KAT6A: variants seen among roughly 807,000 people sequenced by gnomAD.
KAT6A encodes histone acetyltransferase KAT6A.
Under a neutral mutation model 198.4 loss-of-function variants are expected in KAT6A, and 9 were observed. The observed-to-expected ratio is 0.05, with a 90% CI of 0.03 to 0.08. The LOEUF (loss-of-function observed/expected upper bound fraction) is 0.08, where lower values mean the gene tolerates loss of function less well. KAT6A is among the 10% of genes least tolerant of loss of function. The pLI, the probability that KAT6A is intolerant of heterozygous loss-of-function variation, is 1.00. For synonymous variants in KAT6A, 890 were observed against 883.0 expected, an observed-to-expected ratio of 1.01 and a Z score of -0.14; for missense variants, 2,077 against 2,509.9, an observed-to-expected ratio of 0.83 and a Z score of 3.69.
chr8:42,024,758 A>T (rs1484614924), intron 2 of KAT6A, among the ~76,000 whole-genome samples: 1 of 152,104 alleles, frequency 6.6e-6, no homozygotes, highest in Non-Finnish European at 1.5e-5. Flanking sequence ...CAAATGATAG[A>T]GTTTCATTCT....
chr8:41,954,719 T>C (rs1248611637), intron 9 of KAT6A, among the ~76,000 whole-genome samples: 2 of 152,156 alleles, frequency 1.3e-5, no homozygotes, highest in African/African-American at 4.8e-5. Flanking sequence ...CACAGAGCAG[T>C]TGGGCAGCTT....
intron 3 of KAT6A, among the ~76,000 whole-genome samples, chr8:41,982,315 A>G (rs1439232245): frequency 6.6e-6 from 1 of 152,278 alleles, no homozygotes; most frequent in East Asian, 1.9e-4. Context: ...TATATGCATT[A>G]CTGAATATAC....
chr8:41,982,875 A>G (rs753213964), intron 3 of KAT6A, among the ~76,000 whole-genome samples: 1 of 152,340 alleles, frequency 6.6e-6, no homozygotes, highest in South Asian at 2.1e-4. Context: ...ATGTATGCAC[A>G]TGCACAGGGA....
chr8:41,970,371 G>A (rs866233817), intron 8 of KAT6A, among the ~76,000 whole-genome samples: 5 of 152,094 alleles, frequency 3.3e-5, no homozygotes, highest in East Asian at 1.9e-4. Flanking sequence ...GGATTAGCCC[G>A]ATTACTGTCA....
At chr8:42,043,190 A>G (rs1660229638) in intron 2 of KAT6A, among the ~76,000 whole-genome samples, 1 of 152,206 alleles carries the variant, frequency 6.6e-6, no homozygotes, top group Admixed American at 6.5e-5. Context: ...CAGGCATTCA[A>G]ATGTTTGCTA....
intron 2 of KAT6A, among the ~76,000 whole-genome samples, chr8:42,013,457 T>C (rs377215486): frequency 6.6e-6 from 1 of 152,070 alleles, no homozygotes; most frequent in African/African-American, 2.4e-5. Context: ...ATGGTCTCCA[T>C]CTCTTGACCT....
At chr8:42,047,414 C>CT (rs1802368137) in intron 2 of KAT6A, among the ~76,000 whole-genome samples, 1 of 152,102 alleles carries the variant, frequency 6.6e-6, no homozygotes, top group African/African-American at 2.4e-5. Context: ...CTCTCCAGAA[C>CT]TTTACCTTTC....
intron 2 of KAT6A, among the ~76,000 whole-genome samples, chr8:41,997,691 T>C (rs973152435): frequency 2.0e-5 from 3 of 152,130 alleles, no homozygotes; most frequent in African/African-American, 7.2e-5. Flanking sequence ...TCTATCCCTC[T>C]ACAACTACAA....
chr8:41,967,183 T>C (rs1823535761), intron 8 of KAT6A, among the ~76,000 whole-genome samples: 1 of 152,090 alleles, frequency 6.6e-6, no homozygotes, highest in Non-Finnish European at 1.5e-5. Flanking sequence ...TGATATTTTA[T>C]GTAAAAATCA....
rs182050132 is a variant in KAT6A, at chr8:41,967,068, C to G, written c.1482+7636G>C. On this transcript the variant is annotated intron_variant, in intron 8 of 16. Transcript: ENST00000265713. The stretch of plus-strand genomic sequence containing the variant: ...CGCAAAGAAATTTTAATAACCCGCA[C>G]AGATTTCAAAAATGCTCTGTAACTT... 5.9e-5 allele frequency among the ~76,000 whole-genome samples: 9 copies of G among 152,162 alleles called. No homozygotes were observed. In the East Asian group the frequency reaches 1.7e-3, roughly 29 times the overall value.
intron 2 of KAT6A, among the ~76,000 whole-genome samples, chr8:42,043,087 C>T (rs1564085304): frequency 1.3e-5 from 2 of 152,040 alleles, no homozygotes; most frequent in African/African-American, 2.4e-5. Flanking sequence ...AGTTCATAAA[C>T]TAAAAAAGGC....
intron 8 of KAT6A, among the ~76,000 whole-genome samples, chr8:41,960,358 T>C (rs1447821297): frequency 2.0e-5 from 3 of 151,844 alleles, no homozygotes; most frequent in Non-Finnish European, 4.4e-5. Context: ...GGCCGGCGGA[T>C]CACGATCGAG....
intron 2 of KAT6A, among the ~76,000 whole-genome samples, chr8:42,006,772 G>C (rs1011958776): frequency 1.2e-4 from 18 of 152,082 alleles, no homozygotes; most frequent in Non-Finnish European, 2.2e-4. Context: ...GAGGTGGGCG[G>C]ATCACCTGAG....
At position 42,048,811 on chromosome 8, in the gene KAT6A, T is replaced by A; in HGVS notation, c.167A>T (p.Lys56Ile). 6.2e-7 allele frequency: 1 copy of A among 1,614,208 alleles called. No individual in the cohort carries two copies. The highest frequency in any genetic ancestry group is 1.1e-5 in the South Asian group (1 of 91,090). Residue 56 changes from lysine to isoleucine, a missense_variant, in exon 2 of 17, where the codon AAA becomes ATA. Lys to Ile is a moderately radical substitution (Grantham distance 102). Transcript: ENST00000265713. ...TVLEQLELSV[K>I]DGTILKVSNK... ...TGAGACTTTTAAAATTGTTCCATCT[T>A]TAACACTCAACTCCAATTGTTCTAA...
chr8:41,983,102 T>A (rs928356620), intron 3 of KAT6A, among the ~76,000 whole-genome samples: 1 of 152,038 alleles, frequency 6.6e-6, no homozygotes, highest in Non-Finnish European at 1.5e-5. Flanking sequence ...GAGAAAAAAA[T>A]GCTTCCTCTT....
chr8:41,934,110 C>T lies in KAT6A; in HGVS notation c.4110G>A (p.Glu1370=), dbSNP rs1821718765. Residue 1370 remains glutamate (E), a synonymous_variant, in exon 17 of 17, where the codon GAG becomes GAA. Transcript: ENST00000265713. The part of the protein sequence containing the change: ...REKIKDKEET[E]LDSEEEQPSH... ...AAGGCTGCTCCTCTTCGGAATCCAGCTCGGTTTCCTCTTTATCCTTTATCT... is the reference window on the plus strand; with the variant it reads ...AAGGCTGCTCCTCTTCGGAATCCAGTTCGGTTTCCTCTTTATCCTTTATCT... The T allele has an allele frequency of 6.2e-7, 1 of 1,614,156 alleles. No homozygotes were observed. The highest frequency in any genetic ancestry group is 1.3e-5 in the African/African-American group (1 of 75,054).
intron 2 of KAT6A, among the ~76,000 whole-genome samples, chr8:41,994,719 ACT>A (rs1825108372): frequency 6.6e-6 from 1 of 152,018 alleles, no homozygotes; most frequent in East Asian, 1.9e-4. Context: ...TTCTATGAAG[ACT>A]CTGATTTTCA....
chr8:41,998,621 G>A (rs1271440641), intron 2 of KAT6A, among the ~76,000 whole-genome samples: 1 of 151,996 alleles, frequency 6.6e-6, no homozygotes, highest in Non-Finnish European at 1.5e-5. Context: ...GTAAGCGTTT[G>A]TTGAAATTAA....
chr8:41,957,059 A>G, intron 8 of KAT6A: 1 of 596,360 alleles, frequency 1.7e-6, no homozygotes, highest in South Asian at 1.4e-5. Context: ...CTGCTGCGGC[A>G]CTGTCTGTTG....
Sources: gnomAD v4.1 joint callset for allele counts (sites outside exome capture counted in the v4.1 genomes callset) on GRCh38, gnomAD v4.1.1 for gene constraint, MANE v1.5 for transcripts, NCBI Gene and HGNC (gene_info 2026-07-23, HGNC 2026-07-21) for gene names.